PAM: variants seen among roughly 807,000 people sequenced by gnomAD.
The protein encoded by PAM is peptidylglycine alpha-amidating monooxygenase, also known as peptidyl-glycine alpha-amidating monooxygenase.
Under a neutral mutation model 122.1 loss-of-function variants are expected in PAM, and 72 were observed. That is an observed-to-expected ratio of 0.59 (90% CI 0.49 to 0.72). PAM has a LOEUF of 0.72. Among genes scored for constraint, PAM ranks in the 30% least tolerant of loss-of-function variants. The pLI, the probability that PAM is intolerant of heterozygous loss-of-function variation, is 0.00. For missense variants in PAM, 1,106 were observed against 1,183.7 expected, an observed-to-expected ratio of 0.93 and a Z score of 0.96; for synonymous variants, 389 against 404.4, an observed-to-expected ratio of 0.96 and a Z score of 0.46.
intron 16 of PAM, among the ~76,000 whole-genome samples, chr5:102,995,114 G>A (rs1775289821): frequency 6.6e-6 from 1 of 152,114 alleles, no homozygotes; most frequent in African/African-American, 2.4e-5. Context: ...TGGAGCCTCA[G>A]TTAAGATATC....
At chr5:102,779,533 G>C (rs182753971) in intron 1 of PAM, among the ~76,000 whole-genome samples, 2 of 152,042 alleles carry the variant, frequency 1.3e-5, no homozygotes, top group Non-Finnish European at 2.9e-5. Context: ...GTGTCAACCT[G>C]ATTGAACTGA....
At chr5:103,024,537 G>T (rs1243976185) in intron 23 of PAM, among the ~76,000 whole-genome samples, 2 of 152,128 alleles carry the variant, frequency 1.3e-5, no homozygotes, top group African/African-American at 4.8e-5. Flanking sequence ...AATGTGTGCA[G>T]CTGTCCATGT....
At chr5:102,791,270 A>G (rs564813857) in intron 1 of PAM, among the ~76,000 whole-genome samples, 10 of 152,114 alleles carry the variant, frequency 6.6e-5, no homozygotes, top group African/African-American at 2.4e-4. Context: ...GGATATTTTT[A>G]TGTGTTTGAT....
intron 4 of PAM, among the ~76,000 whole-genome samples, chr5:102,904,509 A>T (rs1411434783): frequency 1.3e-5 from 2 of 151,552 alleles, no homozygotes; most frequent in Non-Finnish European, 1.5e-5. Flanking sequence ...CTTGAATTAT[A>T]TTCTAATCTA....
At chr5:102,791,464 T>A (rs32674) in intron 1 of PAM, among the ~76,000 whole-genome samples, 1 of 151,804 alleles carries the variant, frequency 6.6e-6, no homozygotes, top group African/African-American at 2.4e-5. Context: ...TGAACATTTT[T>A]ATATTATTTT....
At chr5:102,934,054 A>G (rs1414334075) in intron 7 of PAM, among the ~76,000 whole-genome samples, 2 of 152,174 alleles carry the variant, frequency 1.3e-5, no homozygotes, top group Non-Finnish European at 1.5e-5. Context: ...TCCGCTGCGA[A>G]GTGCACAATA....
rs143885345 is a variant in PAM, at chr5:102,881,896, C to G, written c.210+14503C>G. Among the ~76,000 whole-genome samples the G allele has an allele frequency of 2.4e-3, 343 of 142,560 alleles. 1 individual carries two copies. Among genetic ancestry groups the G allele is most frequent in the Admixed American group, 5.8e-3 (87 of 14,914 alleles). The allele number at this position is 142,560 out of a possible 152,430, so 93.5% of individuals were successfully genotyped here. Reference sequence around the variant, plus strand: ...TATCATTCTTATGCCTTTGCATCCTCATAGCTTAACTCCCAACTTATGAGT... The same window carrying G: ...TATCATTCTTATGCCTTTGCATCCTGATAGCTTAACTCCCAACTTATGAGT... On this transcript the variant is annotated intron_variant, in intron 3 of 25. Coordinates refer to ENST00000438793, the MANE Select transcript of PAM (RefSeq NM_001177306.2).
chr5:102,979,145 T>C (rs950183656), intron 15 of PAM, among the ~76,000 whole-genome samples: 3 of 152,014 alleles, frequency 2.0e-5, no homozygotes, highest in African/African-American at 4.8e-5. Context: ...CAGGCTACAA[T>C]TGTAATAACT....
intron 1 of PAM, among the ~76,000 whole-genome samples, chr5:102,811,018 T>C (rs1398397427): frequency 6.6e-6 from 1 of 152,196 alleles, no homozygotes; most frequent in Non-Finnish European, 1.5e-5. Context: ...TGATTGGAAC[T>C]GGTGCCCACC....
chr5:103,025,171 C>G lies in PAM; in HGVS notation c.2526C>G (p.Pro842=). Residue 842 remains proline, a synonymous_variant, in exon 24 of 26, where the codon CCC becomes CCG. Transcript: ENST00000438793. ...AVVETKMENK[P]TSSELQKMQE... ...TTGAAACCAAAATGGAGAACAAACC[C>G]ACCTCCTCAGAATTGCAGAAGATGC... The G allele has an allele frequency of 6.2e-7, 1 of 1,613,632 alleles. No homozygotes were observed.
At chr5:102,938,103 G>A (rs1000607561) in intron 7 of PAM, among the ~76,000 whole-genome samples, 10 of 152,198 alleles carry the variant, frequency 6.6e-5, no homozygotes, top group African/African-American at 1.9e-4. Flanking sequence ...TGAGTCATGC[G>A]AATGATTTTA....
chr5:102,968,590 C>T (rs903565970), intron 14 of PAM, among the ~76,000 whole-genome samples: 1 of 152,132 alleles, frequency 6.6e-6, no homozygotes, highest in Non-Finnish European at 1.5e-5. Context: ...AAGCAGCAAA[C>T]GTCTCCATTT....
At chr5:102,778,015 C>T (rs1015822633) in intron 1 of PAM, among the ~76,000 whole-genome samples, 3 of 152,142 alleles carry the variant, frequency 2.0e-5, no homozygotes, top group African/African-American at 7.2e-5. Flanking sequence ...GTGGAAAACA[C>T]CTGAATGGCA....
chr5:102,968,042 A>G (rs893567799), intron 14 of PAM, among the ~76,000 whole-genome samples: 2 of 152,078 alleles, frequency 1.3e-5, no homozygotes, highest in Non-Finnish European at 2.9e-5. Context: ...TCATTTTTTA[A>G]GCTAGTTTTG....
chr5:102,792,073 C>T (rs1762192397), intron 1 of PAM, among the ~76,000 whole-genome samples: 1 of 152,042 alleles, frequency 6.6e-6, no homozygotes, highest in Admixed American at 6.6e-5. Context: ...GTTTGACAAA[C>T]TCTTTGATCC....
intron 1 of PAM, among the ~76,000 whole-genome samples, chr5:102,768,489 A>T (rs1259556329): frequency 1.7e-5 from 2 of 120,080 alleles, no homozygotes; most frequent in African/African-American, 6.5e-5. Flanking sequence ...CTCCCCCTCT[A>T]ACCTCTCCAC....
chr5:102,878,829 TTA>T (rs1790036106), intron 3 of PAM, among the ~76,000 whole-genome samples: 2 of 152,168 alleles, frequency 1.3e-5, no homozygotes, highest in Non-Finnish European at 2.9e-5. Context: ...CTAAATTTTA[TTA>T]TATGAGTCAA....
intron 3 of PAM, among the ~76,000 whole-genome samples, chr5:102,882,110 T>TATACAC (rs1561748160): frequency 1.3e-4 from 13 of 103,792 alleles, no homozygotes; most frequent in African/African-American, 4.3e-4. Flanking sequence ...TATATATATA[T>TATACAC]ACACCACATT....
intron 7 of PAM, among the ~76,000 whole-genome samples, chr5:102,930,050 G>T (rs1317039027): frequency 2.0e-5 from 3 of 151,886 alleles, no homozygotes; most frequent in Non-Finnish European, 4.4e-5. Flanking sequence ...GAGTTCTATG[G>T]GATTACATAA....
Sources: allele counts gnomAD v4.1 joint callset (sites outside exome capture counted in the v4.1 genomes callset), GRCh38; gene constraint gnomAD v4.1.1; transcripts MANE v1.5; gene names NCBI Gene and HGNC (gene_info 2026-07-23, HGNC 2026-07-21).